ANKS1B: variants seen among roughly 807,000 people sequenced by gnomAD.
ANKS1B encodes ankyrin repeat and sterile alpha motif domain-containing protein 1B.
ANKS1B carries 36 observed loss-of-function variants against 148.3 expected under a neutral mutation model. The observed-to-expected ratio is 0.24, with a 90% CI of 0.19 to 0.32. The LOEUF is 0.32. Ranked by LOEUF, ANKS1B falls within the 10% of genes least tolerant of loss-of-function variation. The probability of loss-of-function intolerance (pLI) is 1.00; values close to 1 mark genes in which losing one functional copy is unlikely to be tolerated. For synonymous variants in ANKS1B, 542 were observed against 560.8 expected (o/e 0.97, Z 0.47); for missense variants, 1,157 against 1,542.6 (o/e 0.75, Z 4.19).
In ANKS1B at chr12:98,801,104, A is replaced by G; in HGVS notation, c.3163T>C (p.Ser1055Pro). The change falls in exon 21 of 27, where the codon TCC (serine) becomes CCC (proline). Residue 1055 changes from serine (S) to proline (P), a missense_variant. Physicochemically the swap from Ser to Pro is moderately conservative, Grantham distance 74. Transcript: ENST00000683438. The surrounding 1 kb of genome is among the most constrained non-coding windows in gnomAD (Gnocchi z 5.2). ...TCATTCGGAGGTCGCAAGGTAATGG[A>G]AGGTTCTCCCCAGTCTCCTGTCTGA... Reference protein sequence around the residue: ...VHNTGDWGEPSITLRPPNEAT... With the variant: ...VHNTGDWGEPPITLRPPNEAT... 1 of 1,612,610 alleles carries G rather than the reference A, an allele frequency of 6.2e-7. No individual in the cohort carries two copies.
At chr12:99,577,793 G>A (rs2097532943) in intron 9 of ANKS1B, among the ~76,000 whole-genome samples, 1 of 151,996 alleles carries the variant, frequency 6.6e-6, no homozygotes, top group Non-Finnish European at 1.5e-5. Flanking sequence ...GAATTCTACT[G>A]CATGTATAAA....
chr12:99,812,444 G>C, intron 2 of ANKS1B, 133 bp from the exon 3 acceptor site: 3 of 994,330 alleles, frequency 3.0e-6, no homozygotes, highest in Admixed American at 3.2e-5. Context: ...ATATAAAGTT[G>C]GGTTTCAAAG....
chr12:98,884,571 G>A (rs1327127479), intron 17 of ANKS1B, among the ~76,000 whole-genome samples: 1 of 151,318 alleles, frequency 6.6e-6, no homozygotes, highest in African/African-American at 2.4e-5. Context: ...AGGCCGAGGC[G>A]GGTGGATCAT....
chr12:99,084,884 G>T, intron 16 of ANKS1B, 41 bp downstream of exon 16: 1 of 1,501,042 alleles, frequency 6.7e-7, no homozygotes, highest in Non-Finnish European at 9.1e-7. Flanking sequence ...AAAATCACTG[G>T]GAACCGTACA....
At chr12:99,942,497 A>G (rs1373624999) in intron 1 of ANKS1B, among the ~76,000 whole-genome samples, 1 of 152,124 alleles carries the variant, frequency 6.6e-6, no homozygotes, top group Non-Finnish European at 1.5e-5. Flanking sequence ...AAATGATGGA[A>G]CAATAGCTTG....
At chr12:99,381,521 G>A (rs920639092) in intron 12 of ANKS1B, among the ~76,000 whole-genome samples, 1 of 152,320 alleles carries the variant, frequency 6.6e-6, no homozygotes, top group Middle Eastern at 3.4e-3. Context: ...GAGGTAGAAG[G>A]AAGACCAGGA....
intron 9 of ANKS1B, chr12:99,648,139 G>A: frequency 6.3e-7 from 1 of 1,583,678 alleles, no homozygotes; most frequent in Non-Finnish European, 8.6e-7. Context: ...AAGGTGTGGA[G>A]CAGCTGCTGG....
At chr12:99,092,814 G>T (rs994714560) in intron 15 of ANKS1B, among the ~76,000 whole-genome samples, 3 of 152,160 alleles carry the variant, frequency 2.0e-5, no homozygotes, top group Non-Finnish European at 4.4e-5. Context: ...AAGATTACCA[G>T]CCATTACATT....
intron 4 of ANKS1B, among the ~76,000 whole-genome samples, chr12:99,802,507 C>G (rs1161472238): frequency 1.3e-5 from 2 of 151,952 alleles, no homozygotes; most frequent in Non-Finnish European, 2.9e-5. Context: ...ATGAAATTTG[C>G]CCAAAGTATT....
chr12:99,184,810 ATTAC>A (rs1246381760), intron 14 of ANKS1B, among the ~76,000 whole-genome samples: 4 of 152,196 alleles, frequency 2.6e-5, no homozygotes, highest in Non-Finnish European at 5.9e-5. Context: ...CCTTAGTTAA[ATTAC>A]TTAGTCACCC....
intron 17 of ANKS1B, among the ~76,000 whole-genome samples, chr12:98,928,239 A>AAAAATTC (rs1294126804): frequency 6.6e-6 from 1 of 151,718 alleles, no homozygotes; most frequent in Non-Finnish European, 1.5e-5. Context: ...CCAACTCAAG[A>AAAAATTC]AAAATTCAAA....
intron 9 of ANKS1B, among the ~76,000 whole-genome samples, chr12:99,597,929 G>A (rs2097771026): frequency 6.6e-6 from 1 of 151,916 alleles, no homozygotes; most frequent in Non-Finnish European, 1.5e-5. Context: ...CTTAAACCAA[G>A]TGTTAAATTA....
At chr12:98,842,179 G>A (rs201394) in intron 17 of ANKS1B, among the ~76,000 whole-genome samples, 51,532 of 152,012 alleles carry the variant, frequency 0.34, 10,397 homozygotes, top group East Asian at 0.61. Flanking sequence ...CCAAATGTCC[G>A]ATCAACTGGT....
At chr12:99,828,083 T>C (rs954649040) in intron 1 of ANKS1B, among the ~76,000 whole-genome samples, 2 of 152,146 alleles carry the variant, frequency 1.3e-5, no homozygotes, top group African/African-American at 4.8e-5. Flanking sequence ...GATATATCCA[T>C]ACAATGGAAA....
intron 17 of ANKS1B, among the ~76,000 whole-genome samples, chr12:99,007,810 T>C (rs779992154): frequency 6.6e-6 from 1 of 152,152 alleles, no homozygotes; most frequent in South Asian, 2.1e-4. Flanking sequence ...CTTTCTCTAT[T>C]GCTTTTGCTG....
chr12:99,819,058 A>T (rs763655639), intron 2 of ANKS1B, among the ~76,000 whole-genome samples: 1 of 151,828 alleles, frequency 6.6e-6, no homozygotes, highest in Non-Finnish European at 1.5e-5. Flanking sequence ...TTCAAAATAA[A>T]TGCAAATCAT....
At chr12:99,505,683 A>T (rs2096704556) in intron 9 of ANKS1B, among the ~76,000 whole-genome samples, 1 of 149,938 alleles carries the variant, frequency 6.7e-6, no homozygotes, top group African/African-American at 2.4e-5. Flanking sequence ...ACTGTTTTTA[A>T]ACTAATGAGA....
Position 99,142,323 on chromosome 12 carries a change from T to C in ANKS1B, c.2526+11966A>G, listed in dbSNP as rs572852324. 1.8e-3 allele frequency among the ~76,000 whole-genome samples: 281 copies of C among 152,220 alleles called. 1 individual carries two copies. The highest frequency in any genetic ancestry group is 3.3e-3 in the Non-Finnish European group (227 of 67,996). The stretch of plus-strand genomic sequence containing the variant: ...GCAATTGAGAGTTTATTGGTTGCCA[T>C]TTATAAATAATTTCAGGATGATGAC... On this transcript the variant is annotated intron_variant, in intron 15 of 26. Coordinates refer to ENST00000683438, the MANE Select transcript of ANKS1B (RefSeq NM_001352186.2).
intron 25 of ANKS1B, among the ~76,000 whole-genome samples, chr12:98,771,133 A>G (rs1180928647): frequency 6.6e-6 from 1 of 152,184 alleles, no homozygotes; most frequent in East Asian, 1.9e-4. Context: ...GTATGGCTAT[A>G]AATGGAAGTG....
Sources: gnomAD v4.1 joint callset for allele counts (sites outside exome capture counted in the v4.1 genomes callset) on GRCh38, gnomAD v4.1.1 for gene constraint, Gnocchi (gnomAD v3.1) non-coding constraint, MANE v1.5 for transcripts, NCBI Gene and HGNC (gene_info 2026-07-23, HGNC 2026-07-21) for gene names.